The following CHN1 variants were observed in gnomAD, a reference collection of about 807,000 sequenced individuals.
The protein encoded by CHN1 is N-chimaerin.
A neutral mutation model predicts 59.5 loss-of-function variants in CHN1; 37 were observed. That is an observed-to-expected ratio of 0.62 (90% CI 0.48 to 0.82). The LOEUF (loss-of-function observed/expected upper bound fraction) is 0.82. Ranked by LOEUF, CHN1 falls within the 40% of genes least tolerant of loss-of-function variation. The pLI, the probability that CHN1 is intolerant of heterozygous loss-of-function variation, is 0.00. For missense variants in CHN1, 469 were observed against 571.0 expected, an observed-to-expected ratio of 0.82 and a Z score of 1.82; for synonymous variants, 206 against 200.4, an observed-to-expected ratio of 1.03 and a Z score of -0.24.
At chr2:174,834,550 G>T (rs899993759) in intron 7 of CHN1, among the ~76,000 whole-genome samples, 3 of 152,110 alleles carry the variant, frequency 2.0e-5, no homozygotes, top group African/African-American at 7.2e-5. Flanking sequence ...AAGGTTAATA[G>T]ATTTCTTTTC....
At chr2:175,002,166 T>C (rs1457969679) in intron 1 of CHN1, among the ~76,000 whole-genome samples, 1 of 152,210 alleles carries the variant, frequency 6.6e-6, no homozygotes, top group East Asian at 1.9e-4. Context: ...TGGATAATTT[T>C]TGAAATTGGG....
chr2:174,876,614 ATGT>A (rs1687572510), intron 6 of CHN1, among the ~76,000 whole-genome samples: 2 of 152,206 alleles, frequency 1.3e-5, no homozygotes, highest in South Asian at 4.1e-4. Context: ...ATCCTTTTAA[ATGT>A]TGTTTTCTCC....
intron 1 of CHN1, among the ~76,000 whole-genome samples, chr2:175,004,136 T>C (rs1374997680): frequency 2.0e-5 from 3 of 152,256 alleles, no homozygotes; most frequent in African/African-American, 7.2e-5. Flanking sequence ...GTATGTACCA[T>C]AGTCGTTTTG....
intron 5 of CHN1, among the ~76,000 whole-genome samples, chr2:174,905,649 C>T (rs1487000880): frequency 6.6e-6 from 1 of 152,032 alleles, no homozygotes; most frequent in African/African-American, 2.4e-5. Context: ...ACTGCAAACT[C>T]CACCTCCCGG....
intron 5 of CHN1, among the ~76,000 whole-genome samples, chr2:174,891,319 C>A (rs1688043524): frequency 6.6e-6 from 1 of 151,586 alleles, no homozygotes; most frequent in Non-Finnish European, 1.5e-5. Flanking sequence ...TGCCTGTAAT[C>A]CCAGCACTTT....
intron 6 of CHN1, among the ~76,000 whole-genome samples, chr2:174,861,154 G>T (rs180712641): frequency 1.2e-4 from 18 of 152,240 alleles, no homozygotes; most frequent in Non-Finnish European, 2.4e-4. Context: ...TACTAGTTAT[G>T]GGATCTTAGA....
rs1393776252 is a variant in CHN1, at chr2:175,004,829, GC to G, written c.19+64del. The G allele has an allele frequency of 6.9e-6, 8 of 1,165,878 alleles. No homozygotes were observed. The East Asian group carries it at 1.9e-4, about 28-fold the overall frequency. The allele number at this position is 1,165,878 out of a possible 1,614,324, so 72.2% of individuals were successfully genotyped here. ...CTCCCCGGGCGCCCAGGCCCCCCAG[GC>G]CCCCGCCCCCGAGCCCCGGGACGCG... On this transcript the variant is annotated intron_variant, in intron 1 of 12. Coordinates refer to ENST00000409900, the MANE Select transcript of CHN1 (RefSeq NM_001822.7).
At chr2:174,848,513 C>T (rs1686618739) in intron 6 of CHN1, among the ~76,000 whole-genome samples, 1 of 151,974 alleles carries the variant, frequency 6.6e-6, no homozygotes, top group African/African-American at 2.4e-5. Context: ...CCAATTATGC[C>T]AATGTTACAC....
At chr2:174,914,070 G>A (rs757777072) in intron 5 of CHN1, among the ~76,000 whole-genome samples, 1 of 152,218 alleles carries the variant, frequency 6.6e-6, no homozygotes, top group Non-Finnish European at 1.5e-5. Flanking sequence ...TCAAATAGCA[G>A]CAGCACAAGT....
At chr2:174,970,732 T>C (rs1006699403) in intron 1 of CHN1, among the ~76,000 whole-genome samples, 3 of 152,206 alleles carry the variant, frequency 2.0e-5, no homozygotes, top group African/African-American at 4.8e-5. Flanking sequence ...AAAAATGTCA[T>C]TGATATGGTT....
intron 1 of CHN1, among the ~76,000 whole-genome samples, chr2:174,989,401 C>A (rs973908331): frequency 1.3e-5 from 2 of 151,672 alleles, no homozygotes; most frequent in African/African-American, 4.8e-5. Flanking sequence ...AAGATAAATA[C>A]GTCAACTTTT....
At chr2:174,811,677 A>C (rs1327522337) in intron 9 of CHN1, 89 bp from the exon 10 acceptor site, 2 of 719,236 alleles carry the variant, frequency 2.8e-6, no homozygotes, top group Non-Finnish European at 4.6e-6. Context: ...GTAATGTGTC[A>C]GAAGAAATAA....
chr2:174,883,171 A>G (rs1687786004), intron 5 of CHN1, among the ~76,000 whole-genome samples: 1 of 152,204 alleles, frequency 6.6e-6, no homozygotes. Context: ...TAGAAGGATT[A>G]ACTCGAAGTC....
intron 3 of CHN1, among the ~76,000 whole-genome samples, chr2:174,942,236 T>C (rs1384188748): frequency 2.0e-5 from 3 of 152,122 alleles, no homozygotes; most frequent in East Asian, 3.9e-4. Flanking sequence ...TTTTTCACAA[T>C]AGCCAAAATA....
intron 7 of CHN1, among the ~76,000 whole-genome samples, chr2:174,834,116 A>T (rs1261129846): frequency 6.6e-6 from 1 of 151,970 alleles, no homozygotes; most frequent in Non-Finnish European, 1.5e-5. Flanking sequence ...TACAATATAC[A>T]CCTTTAACTT....
intron 1 of CHN1, among the ~76,000 whole-genome samples, chr2:174,983,418 T>C (rs1396851546): frequency 6.6e-6 from 1 of 151,964 alleles, no homozygotes; most frequent in East Asian, 1.9e-4. Context: ...GTGCTTGCCA[T>C]GGGCCAAAAA....
intron 5 of CHN1, among the ~76,000 whole-genome samples, chr2:174,886,632 C>T (rs1158911940): frequency 1.3e-5 from 2 of 152,086 alleles, no homozygotes; most frequent in Non-Finnish European, 2.9e-5. Flanking sequence ...GGTATTTAGG[C>T]ATTTCCCATT....
chr2:174,879,577 T>C (rs957630396), intron 5 of CHN1, among the ~76,000 whole-genome samples: 3 of 152,178 alleles, frequency 2.0e-5, no homozygotes, highest in Admixed American at 6.5e-5. Flanking sequence ...ACAGGTGAAA[T>C]TTCTACACCA....
intron 1 of CHN1, among the ~76,000 whole-genome samples, chr2:174,969,167 C>T (rs1449442450): frequency 1.3e-5 from 2 of 152,162 alleles, no homozygotes; most frequent in African/African-American, 2.4e-5. Context: ...TTAATATTTA[C>T]AGCTGATCGT....
Sources: allele counts gnomAD v4.1 joint callset (sites outside exome capture counted in the v4.1 genomes callset), GRCh38; gene constraint gnomAD v4.1.1; transcripts MANE v1.5; gene names NCBI Gene and HGNC (gene_info 2026-07-23, HGNC 2026-07-21).